PSG11: variants seen among roughly 807,000 people sequenced by gnomAD.
PSG11 encodes pregnancy specific beta-1-glycoprotein 11.
A neutral mutation model predicts 36.0 loss-of-function variants in PSG11; 42 were observed. That is an observed-to-expected ratio of 1.17 (90% CI 0.91 to 1.51). The LOEUF (loss-of-function observed/expected upper bound fraction) is 1.51, where lower values mean the gene tolerates loss of function less well. Ranked by LOEUF, PSG11 falls within the 40% of genes most tolerant of loss-of-function variation. PSG11 has a pLI of 0.00. For synonymous variants in PSG11, 206 were observed against 153.5 expected (o/e 1.34, Z -2.53); for missense variants, 558 against 403.5 (o/e 1.38, Z -3.28).
In PSG11 at chr19:43,025,042, A is replaced by C; in HGVS notation, c.79T>G (p.Phe27Val). Residue 27 changes from phenylalanine (F) to valine (V), a missense_variant, in exon 2 of 6, where the codon TTC becomes GTC. Physicochemically the swap from Phe to Val is conservative, Grantham distance 50. Transcript: ENST00000320078. ...GLLLTALLLNFWNLPTTAQVM... is the reference protein window; with the variant it reads ...GLLLTALLLNVWNLPTTAQVM... ...TGGGCAGTGGTAGGCAAGTTCCAGA[A>C]GTTTAAAAGTAATGCTAGGAGGTGG... 6.2e-7 allele frequency: 1 copy of C among 1,610,180 alleles called. No homozygotes were observed. The highest frequency in any genetic ancestry group is 8.5e-7 in the Non-Finnish European group (1 of 1,177,990).
At chr19:43,023,346 T>C (rs1190704716) in intron 2 of PSG11, among the ~76,000 whole-genome samples, 1 of 150,858 alleles carries the variant, frequency 6.6e-6, no homozygotes. Context: ...AGTGTGTGTC[T>C]CTCGCTGGGC....
intron 2 of PSG11, among the ~76,000 whole-genome samples, chr19:43,022,714 A>C (rs1967131103): frequency 6.6e-6 from 1 of 151,272 alleles, no homozygotes; most frequent in African/African-American, 2.4e-5. Context: ...GGTCAGCCTC[A>C]CAAAGGGGAA....
At chr19:43,025,654 TG>T (rs1185906445) in intron 1 of PSG11, among the ~76,000 whole-genome samples, 1 of 108,618 alleles carries the variant, frequency 9.2e-6, no homozygotes, top group Non-Finnish European at 1.8e-5. Flanking sequence ...ACGCCCTGGG[TG>T]TTTTTTTTTT....
At chr19:43,024,342 A>C (rs2122832913) in intron 2 of PSG11, 1 of 363,354 alleles carries the variant, frequency 2.8e-6, no homozygotes, top group East Asian at 6.1e-5. Context: ...AGAGTATCTC[A>C]GGGGCCCCTC....
At chr19:43,017,891 C>G (rs888986056) in intron 3 of PSG11, among the ~76,000 whole-genome samples, 3 of 151,192 alleles carry the variant, frequency 2.0e-5, no homozygotes, top group African/African-American at 7.3e-5. Flanking sequence ...AAATTCTTTC[C>G]TTAATTTCCT....
intron 1 of PSG11, among the ~76,000 whole-genome samples, chr19:43,025,628 G>C (rs763046659): frequency 2.0e-5 from 3 of 148,280 alleles, no homozygotes; most frequent in African/African-American, 7.5e-5. Context: ...AGATGTGAGA[G>C]TTCTCAGGGC....
In PSG11 at chr19:43,018,304, G is replaced by A. The variant is rs561281974; in HGVS notation, c.709+466C>T. On this transcript the variant is annotated intron_variant, in intron 3 of 5. Transcript: ENST00000320078. ...GGGTGAGTGTCTATGAGACAGGAGAGCTTGGGGACTTCCCCTGTATGGTAA... is the reference window on the plus strand; with the variant it reads ...GGGTGAGTGTCTATGAGACAGGAGAACTTGGGGACTTCCCCTGTATGGTAA... 2.5e-5 allele frequency: 6 copies of A among 236,854 alleles called. No homozygotes were observed. In the South Asian group the frequency reaches 4.3e-4, roughly 17 times the overall value. The allele number at this position is 236,854 out of a possible 1,614,324, so 14.7% of individuals were successfully genotyped here. A position where few individuals can be genotyped will look rare whatever the true frequency, so the allele number is the denominator to read the frequency against.
At chr19:43,020,518 C>T (rs540623748) in intron 2 of PSG11, among the ~76,000 whole-genome samples, 1 of 151,410 alleles carries the variant, frequency 6.6e-6, no homozygotes, top group East Asian at 1.9e-4. Flanking sequence ...TTGGAGGAAA[C>T]ATTAAAATGT....
chr19:43,017,517 A>G (rs1966996738), intron 3 of PSG11: 1 of 151,320 alleles, frequency 6.6e-6, no homozygotes, highest in South Asian at 2.1e-4. Context: ...GCTGATTGCT[A>G]TTTTCTATGT....
chr19:43,020,687 C>T (rs8108137), intron 2 of PSG11, among the ~76,000 whole-genome samples: 4,059 of 151,336 alleles, frequency 0.027, 296 homozygotes, highest in African/African-American at 0.094. Context: ...TTGAAATTAG[C>T]AGCTCCTTAA....
In PSG11 at chr19:43,018,859, A is replaced by G; in HGVS notation, c.620T>C (p.Val207Ala). Residue 207 changes from valine (V) to alanine (A), a missense_variant, in exon 3 of 6, where the codon GTC becomes GCC. Coordinates refer to ENST00000320078, the MANE Select transcript of PSG11 (RefSeq NM_002785.3). ...ATAGGGTCCTGCAGTATACTTTGTG[A>G]CACCAAATAGAAAGAGGGTCCTGTT... Reference protein sequence around the residue: ...ETNRTLFLFGVTKYTAGPYEC... With the variant: ...ETNRTLFLFGATKYTAGPYEC... 2 of 1,612,074 alleles carry G rather than the reference A, an allele frequency of 1.2e-6. No homozygotes were observed. Among genetic ancestry groups the G allele is most frequent in the Non-Finnish European group, 1.7e-6 (2 of 1,179,082 alleles).
At chr19:43,013,932 C>G (rs1369910186) in intron 4 of PSG11, 1 of 151,362 alleles carries the variant, frequency 6.6e-6, no homozygotes, top group African/African-American at 2.4e-5. Flanking sequence ...AAATGTTATT[C>G]AAACTTAACA....
chr19:43,015,688 C>A, intron 3 of PSG11: 2 of 1,578,680 alleles, frequency 1.3e-6, no homozygotes, highest in Non-Finnish European at 1.7e-6. Context: ...GTACTTGGAC[C>A]GGAGAGAGAC....
At chr19:43,015,696 G>C in intron 3 of PSG11, 2 of 1,588,026 alleles carry the variant, frequency 1.3e-6, no homozygotes, top group Middle Eastern at 2.3e-4. Context: ...ACCGGAGAGA[G>C]ACTGAGAGGC....
At chr19:43,009,302 C>T (rs1288211890) in intron 5 of PSG11, among the ~76,000 whole-genome samples, 1 of 151,292 alleles carries the variant, frequency 6.6e-6, no homozygotes, top group Non-Finnish European at 1.5e-5. Flanking sequence ...GTGGTTAAGT[C>T]TGCAGTGCAG....
At chr19:43,010,178 T>C (rs1203874388) in intron 4 of PSG11, 137 bp from the exon 5 acceptor site, 14 of 1,462,164 alleles carry the variant, frequency 9.6e-6, no homozygotes, top group African/African-American at 2.9e-5. Context: ...GGAAAATTGA[T>C]GGGAGATGAT....
At position 43,015,116 on chromosome 19, in the gene PSG11, C is replaced by G. The variant is rs1379532215; in HGVS notation, c.964G>C (p.Ala322Pro). 7 of 1,611,926 alleles carry G rather than the reference C, an allele frequency of 4.3e-6. No individual in the cohort carries two copies. The highest frequency in any genetic ancestry group is 5.1e-6 in the Non-Finnish European group (6 of 1,178,924). Residue 322 changes from alanine (A) to proline (P), a missense_variant and splice_region_variant, in exon 4 of 6, where the codon GCT (alanine) becomes CCT (proline). Physicochemically the swap from Ala to Pro is conservative, Grantham distance 27. Coordinates refer to ENST00000320078, the MANE Select transcript of PSG11 (RefSeq NM_002785.3). ...SSTSLTIRVI[A>P]PPGLGTFAFN... ...GCCAAGGATGCTGGGATCCACTTAC[C>G]AATGACTCTGATTGTCAAGGATGTG...
intron 3 of PSG11, among the ~76,000 whole-genome samples, chr19:43,016,962 A>C (rs1966982278): frequency 6.6e-6 from 1 of 151,398 alleles, no homozygotes. Context: ...ATTTGGAGAA[A>C]AGTTTTGCAA....
chr19:43,012,836 A>G (rs1215807642), intron 4 of PSG11, among the ~76,000 whole-genome samples: 3 of 151,474 alleles, frequency 2.0e-5, no homozygotes, highest in African/African-American at 7.3e-5. Flanking sequence ...ACAGCTTTGA[A>G]GAGGAAGAAT....
Sources: gnomAD v4.1 joint callset for allele counts (sites outside exome capture counted in the v4.1 genomes callset) on GRCh38, gnomAD v4.1.1 for gene constraint, MANE v1.5 for transcripts, NCBI Gene and HGNC (gene_info 2026-07-23, HGNC 2026-07-21) for gene names.